Variants in BRD4 observed in about 807,000 individuals in gnomAD.
The protein encoded by BRD4 is bromodomain containing 4, also known as bromodomain-containing protein 4.
In BRD4, 16 loss-of-function variants were observed where a neutral mutation model predicts 142.1. The observed-to-expected ratio is 0.11, with a 90% CI of 0.08 to 0.17. The LOEUF (loss-of-function observed/expected upper bound fraction) is 0.17. Ranked by LOEUF, BRD4 falls within the 10% of genes least tolerant of loss-of-function variation. BRD4 has a pLI of 1.00. For synonymous variants in BRD4, 833 were observed against 707.5 expected, an observed-to-expected ratio of 1.18 and a Z score of -2.82; for missense variants, 1,424 against 1,810.9, an observed-to-expected ratio of 0.79 and a Z score of 3.88.
chr19:15,235,566 CAAAAA>C lies in BRD4; in HGVS notation c.*2806_*2810del, dbSNP rs35971341. The C allele has an allele frequency of 2.6e-5, 2 of 76,644 alleles. No homozygotes were observed. The highest frequency in any genetic ancestry group is 1.4e-4 in the Admixed American group (1 of 7,138). 4.7% of individuals were successfully genotyped at this position (76,644 alleles called of 1,614,324 possible). A position where few individuals can be genotyped will look rare whatever the true frequency, so the allele number is the denominator to read the frequency against. On this transcript the variant is annotated 3_prime_UTR_variant, in exon 20 of 20. Transcript: ENST00000679869. ...GTTTATTTTTGCAATGAGAACTGCACAAAAAAAAAAAAAAACCTTTCGTATGTAAG... is the reference window on the plus strand; with the variant it reads ...GTTTATTTTTGCAATGAGAACTGCACAAAAAAAAAACCTTTCGTATGTAAG...
At chr19:15,328,287 AAACTT>A (rs1274212769) in intron 1 of BRD4, among the ~76,000 whole-genome samples, 1 of 152,236 alleles carries the variant, frequency 6.6e-6, no homozygotes, top group Non-Finnish European at 1.5e-5. Context: ...GTTTAAAAAA[AAACTT>A]AACAGGTTTT....
intron 7 of BRD4, among the ~76,000 whole-genome samples, chr19:15,261,148 G>A (rs770642930): frequency 7.2e-5 from 11 of 152,188 alleles, no homozygotes; most frequent in Non-Finnish European, 1.5e-4. Context: ...ACCAATCTGA[G>A]GGCGCCACTG....
intron 1 of BRD4, among the ~76,000 whole-genome samples, chr19:15,307,244 G>T (rs2047922033): frequency 6.6e-6 from 1 of 152,224 alleles, no homozygotes; most frequent in Admixed American, 6.5e-5. Context: ...CTTCAGTGAA[G>T]TAAGAGCGCT....
At position 15,265,623 on chromosome 19, in the gene BRD4, A is replaced by T. The variant is rs775379834; in HGVS notation, c.580T>A (p.Ser194Thr). Residue 194 changes from serine to threonine, a missense_variant, in exon 5 of 20, where the codon TCC becomes ACC. By Grantham distance (58) the Ser-to-Thr change is moderately conservative. Transcript: ENST00000679869. Reference sequence around the variant, plus strand: ...GCTTGAGTTGTGTTTGGTACCGTGGAAACGCCAGGTTTTGCTGTCCCTACA... The same window carrying T: ...GCTTGAGTTGTGTTTGGTACCGTGGTAACGCCAGGTTTTGCTGTCCCTACA... ...KETGTAKPGV[S>T]TVPNTTQAST... 1 of 1,614,102 alleles carries T rather than the reference A, an allele frequency of 6.2e-7. No individual in the cohort carries two copies.
intron 1 of BRD4, among the ~76,000 whole-genome samples, chr19:15,281,174 G>A (rs1232418136): frequency 6.6e-6 from 1 of 152,270 alleles, no homozygotes; most frequent in African/African-American, 2.4e-5. Flanking sequence ...CGCCGAGGCA[G>A]CTCTTAGAGG....
At chr19:15,274,432 A>C (rs2047624107) in intron 1 of BRD4, among the ~76,000 whole-genome samples, 2 of 152,222 alleles carry the variant, frequency 1.3e-5, no homozygotes, top group Non-Finnish European at 2.9e-5. Context: ...TGGAGGGTAC[A>C]AAGAGTGAGG....
chr19:15,251,450 G>T lies in BRD4; in HGVS notation c.2158+2702C>A, dbSNP rs947389060. On this transcript the variant is annotated intron_variant, in intron 11 of 19. Transcript: ENST00000679869. The stretch of plus-strand genomic sequence containing the variant: ...GGAAACACAAGAACGGGGGGGGGGG[G>T]GGGGGCGGGGGCGCGGGCCTGCAAA... Among the ~76,000 whole-genome samples the T allele has an allele frequency of 1.9e-5, 2 of 106,516 alleles. 1 individual carries two copies. Among genetic ancestry groups the T allele is most frequent in the African/African-American group, 7.6e-5 (2 of 26,444 alleles). The allele number at this position is 106,516 out of a possible 152,430, so 69.9% of individuals were successfully genotyped here.
Position 15,255,290 on chromosome 19 carries a change from A to G in BRD4, c.2047+7T>C. ...AGGAACCCCATGCCCAGGGGGCCCA[A>G]GCACACCTTGAGGTTTCCTTTTCTT... is the stretch of plus-strand genomic sequence containing the variant. On this transcript the variant is annotated splice_region_variant and intron_variant, in intron 10 of 19. Coordinates refer to ENST00000679869, the MANE Select transcript of BRD4 (RefSeq NM_001379291.1). 6.2e-7 allele frequency: 1 copy of G among 1,607,348 alleles called. No homozygotes were observed. Among genetic ancestry groups the G allele is most frequent in the Non-Finnish European group, 8.5e-7 (1 of 1,174,618 alleles).
intron 1 of BRD4, among the ~76,000 whole-genome samples, chr19:15,326,548 G>A (rs1158000513): frequency 1.3e-5 from 2 of 152,050 alleles, no homozygotes; most frequent in Non-Finnish European, 2.9e-5. Context: ...GTGTTACTCA[G>A]ACAAAGACAA....
intron 1 of BRD4, among the ~76,000 whole-genome samples, chr19:15,310,624 A>C (rs555546076): frequency 6.6e-6 from 1 of 151,166 alleles, no homozygotes; most frequent in Non-Finnish European, 1.5e-5. Context: ...CTCCCAAAGT[A>C]CTGGGATTAC....
intron 10 of BRD4, 98 bp downstream of exon 10, chr19:15,255,199 A>AGGGGG (rs71333363): frequency 9.5e-7 from 1 of 1,047,646 alleles, no homozygotes; most frequent in African/African-American, 1.7e-5. Context: ...GAAAAAAAAA[A>AGGGGG]GGGGGGGGGC....
intron 1 of BRD4, among the ~76,000 whole-genome samples, chr19:15,316,613 G>A (rs78342544): frequency 3.9e-5 from 6 of 152,004 alleles, no homozygotes; most frequent in African/African-American, 1.4e-4. Flanking sequence ...AAAAGAAAAA[G>A]AAAAAATAGA....
At chr19:15,285,936 G>C (rs1384677017) in intron 1 of BRD4, among the ~76,000 whole-genome samples, 5 of 152,238 alleles carry the variant, frequency 3.3e-5, no homozygotes, top group African/African-American at 9.6e-5. Context: ...TGTGTGAGGA[G>C]AGCCAGAGAG....
chr19:15,294,381 C>T (rs1194836171), intron 1 of BRD4, among the ~76,000 whole-genome samples: 3 of 152,218 alleles, frequency 2.0e-5, no homozygotes, highest in Non-Finnish European at 4.4e-5. Context: ...GTGGAAACAC[C>T]TCATGTGAAT....
intron 14 of BRD4, among the ~76,000 whole-genome samples, chr19:15,240,712 C>T (rs2145504658): frequency 6.6e-6 from 1 of 152,310 alleles, no homozygotes; most frequent in East Asian, 1.9e-4. Context: ...ACTACTGGGC[C>T]CTCAATCACA....
At chr19:15,253,727 C>A (rs543130172) in intron 11 of BRD4, 5 of 1,598,460 alleles carry the variant, frequency 3.1e-6, no homozygotes, top group Admixed American at 3.3e-5. Context: ...CCGCACTGCA[C>A]GTGACTGTGA....
At chr19:15,316,345 A>C (rs889287457) in intron 1 of BRD4, among the ~76,000 whole-genome samples, 2 of 151,964 alleles carry the variant, frequency 1.3e-5, no homozygotes, top group Non-Finnish European at 2.9e-5. Context: ...GGATAAATGG[A>C]AGTGAAGGCC....
intron 1 of BRD4, among the ~76,000 whole-genome samples, chr19:15,307,721 CTA>C (rs1020427944): frequency 6.6e-6 from 1 of 152,062 alleles, no homozygotes; most frequent in African/African-American, 2.4e-5. Context: ...GAGTTCTGGG[CTA>C]TATTGCATGG....
chr19:15,246,139 C>G (rs1221060104), intron 11 of BRD4, among the ~76,000 whole-genome samples: 1 of 152,188 alleles, frequency 6.6e-6, no homozygotes, highest in Non-Finnish European at 1.5e-5. Context: ...CCGCCTAAAA[C>G]CTGCATACAG....
Sources: allele counts gnomAD v4.1 joint callset (sites outside exome capture counted in the v4.1 genomes callset), GRCh38; gene constraint gnomAD v4.1.1; transcripts MANE v1.5; gene names NCBI Gene and HGNC (gene_info 2026-07-23, HGNC 2026-07-21).